The following TASP1 variants were observed in gnomAD, a reference collection of about 807,000 sequenced individuals.
TASP1 encodes the protein taspase 1.
In TASP1, 16 loss-of-function variants were observed where a neutral mutation model predicts 56.6. The ratio of observed to expected loss-of-function variants is 0.28; its 90% CI spans 0.19 to 0.43. The LOEUF is 0.43. Among genes scored for constraint, TASP1 ranks in the 20% least tolerant of loss-of-function variants. The pLI, the probability that TASP1 is intolerant of heterozygous loss-of-function variation, is 1.00. For missense variants in TASP1, 393 were observed against 511.6 expected, an observed-to-expected ratio of 0.77 and a Z score of 2.24; for synonymous variants, 179 against 184.2, an observed-to-expected ratio of 0.97 and a Z score of 0.23.
the TASP1 span, among the ~76,000 whole-genome samples, chr20:13,140,709 T>C: frequency 6.6e-6 from 1 of 152,212 alleles, no homozygotes; most frequent in Non-Finnish European, 1.5e-5. Flanking sequence ...AAAAAGTTGA[T>C]TAAAATGTCA....
chr20:13,470,629 TA>T (rs34254993), intron 11 of TASP1, among the ~76,000 whole-genome samples: 8,910 of 152,212 alleles, frequency 0.059, 371 homozygotes, highest in African/African-American at 0.12. Flanking sequence ...AAAAAGAAGA[TA>T]AAAATGCAAG....
At chr20:13,132,287 G>A in the TASP1 span, among the ~76,000 whole-genome samples, 1 of 142,396 alleles carries the variant, frequency 7.0e-6, no homozygotes, top group East Asian at 2.1e-4. Flanking sequence ...AGTGACTCTT[G>A]TGCCTCAGCC....
intron 8 of TASP1, among the ~76,000 whole-genome samples, chr20:13,541,854 A>G (rs2045633503): frequency 6.6e-6 from 1 of 151,962 alleles, no homozygotes; most frequent in Non-Finnish European, 1.5e-5. Context: ...ATATAAATTA[A>G]AACACACAGT....
chr20:13,228,259 C>A, the TASP1 span, among the ~76,000 whole-genome samples: 1 of 151,924 alleles, frequency 6.6e-6, no homozygotes. Context: ...AGGTGTGAGC[C>A]ACTGTGCCTG....
At chr20:13,626,556 G>A (rs2048897540) in intron 2 of TASP1, among the ~76,000 whole-genome samples, 1 of 152,158 alleles carries the variant, frequency 6.6e-6, no homozygotes, top group Non-Finnish European at 1.5e-5. Context: ...CTTTCCTCAA[G>A]GTAGAGAAAG....
the TASP1 span, among the ~76,000 whole-genome samples, chr20:13,304,705 C>T: frequency 6.6e-6 from 1 of 152,282 alleles, no homozygotes; most frequent in Middle Eastern, 3.4e-3. Context: ...CATAAGACTC[C>T]ACTCATTGGT....
chr20:13,231,066 T>C, the TASP1 span, among the ~76,000 whole-genome samples: 1 of 152,142 alleles, frequency 6.6e-6, no homozygotes, highest in Admixed American at 6.5e-5. Flanking sequence ...TGGGGTCATC[T>C]CTCAAATAAA....
chr20:13,407,723 C>T (rs565373031), intron 13 of TASP1, among the ~76,000 whole-genome samples: 1 of 152,308 alleles, frequency 6.6e-6, no homozygotes, highest in African/African-American at 2.4e-5. Context: ...AATTTCTCCA[C>T]ATCCTCACCA....
chr20:13,367,764 T>G, the TASP1 span, among the ~76,000 whole-genome samples: 71 of 152,342 alleles, frequency 4.7e-4, no homozygotes, highest in African/African-American at 1.6e-3. Flanking sequence ...AATGAAGGTA[T>G]GAACTGATTT....
At chr20:13,193,493 T>A in the TASP1 span, among the ~76,000 whole-genome samples, 2 of 152,144 alleles carry the variant, frequency 1.3e-5, no homozygotes, top group Non-Finnish European at 2.9e-5. Flanking sequence ...CAAAAACACA[T>A]AGAGCAAAAA....
chr20:13,106,976 G>C, the TASP1 span, among the ~76,000 whole-genome samples: 3 of 152,328 alleles, frequency 2.0e-5, no homozygotes, highest in African/African-American at 7.2e-5. Flanking sequence ...ACAGAAGAAG[G>C]AACTCAAATG....
chr20:13,227,525 T>G, the TASP1 span, among the ~76,000 whole-genome samples: 1 of 147,952 alleles, frequency 6.8e-6, no homozygotes, highest in Admixed American at 6.8e-5. Context: ...TTTTTTTTTT[T>G]TGAGACGGAG....
intron 13 of TASP1, among the ~76,000 whole-genome samples, 197 bp downstream of exon 13, chr20:13,417,251 C>A (rs1391122619): frequency 6.6e-6 from 1 of 152,188 alleles, no homozygotes; most frequent in Non-Finnish European, 1.5e-5. Context: ...CCTGCTGTGT[C>A]ACCAAAAGCA....
intron 4 of TASP1, among the ~76,000 whole-genome samples, chr20:13,591,042 C>T (rs2047513245): frequency 6.9e-6 from 1 of 145,546 alleles, no homozygotes; most frequent in African/African-American, 2.6e-5. Flanking sequence ...GAAAAAAATA[C>T]TAAGAAAAGG....
the TASP1 span, among the ~76,000 whole-genome samples, chr20:13,281,396 A>G: frequency 8.5e-5 from 13 of 152,206 alleles, no homozygotes; most frequent in Non-Finnish European, 1.5e-4. Context: ...CTGCTTTCCA[A>G]GAGGAAAGAC....
rs141405566 is a variant in TASP1, at chr20:13,421,784, C to T, written c.1097-4263G>A. ...GTATGGCCATCTGCAAGAACATTCTCTTAATCCGTGGTAATTATGCTCTGT... is the reference window on the plus strand; with the variant it reads ...GTATGGCCATCTGCAAGAACATTCTTTTAATCCGTGGTAATTATGCTCTGT... On this transcript the variant is annotated intron_variant, in intron 12 of 13. Transcript: ENST00000337743. 3.3e-5 allele frequency among the ~76,000 whole-genome samples: 5 copies of T among 152,186 alleles called. No homozygotes were observed. The East Asian group carries it at 9.7e-4, about 29-fold the overall frequency.
the TASP1 span, among the ~76,000 whole-genome samples, chr20:13,276,013 T>G: frequency 6.6e-6 from 1 of 152,218 alleles, no homozygotes; most frequent in Non-Finnish European, 1.5e-5. Context: ...CCCTTGTTCT[T>G]AGAGCATCAG....
the TASP1 span, among the ~76,000 whole-genome samples, chr20:13,233,640 T>C: frequency 6.6e-6 from 1 of 151,656 alleles, no homozygotes; most frequent in Admixed American, 6.6e-5. Context: ...TGTTCCTAAT[T>C]CTTAGCCCAA....
intron 8 of TASP1, among the ~76,000 whole-genome samples, chr20:13,537,993 T>A (rs1380957577): frequency 1.3e-5 from 2 of 151,454 alleles, no homozygotes; most frequent in South Asian, 2.1e-4. Context: ...AGAGACACCA[T>A]CTATCAGTCT....
Sources: gnomAD v4.1 joint callset for allele counts (sites outside exome capture counted in the v4.1 genomes callset) on GRCh38, gnomAD v4.1.1 for gene constraint, MANE v1.5 for transcripts, NCBI Gene and HGNC (gene_info 2026-07-23, HGNC 2026-07-21) for gene names.